PBX4: variants seen among roughly 807,000 people sequenced by gnomAD.
PBX4 encodes pre-B-cell leukemia transcription factor 4.
In PBX4, 26 loss-of-function variants were observed where a neutral mutation model predicts 35.1. That is an observed-to-expected ratio of 0.74 (90% CI 0.54 to 1.03). PBX4 has a LOEUF of 1.03. Among genes scored for constraint, PBX4 ranks in the 50% least tolerant of loss-of-function variants. The pLI is 0.00. For synonymous variants in PBX4, 199 were observed against 204.2 expected, an observed-to-expected ratio of 0.97 and a Z score of 0.22; for missense variants, 448 against 504.3, an observed-to-expected ratio of 0.89 and a Z score of 1.07.
chr19:19,582,352 C>T lies in PBX4; in HGVS notation c.194-11519G>A, dbSNP rs531039855. On this transcript the variant is annotated intron_variant, in intron 2 of 7. Coordinates refer to ENST00000251203, the MANE Select transcript of PBX4 (RefSeq NM_025245.3). ...GCCTGCCACGCCCCACATCTTGTGC[C>T]CAAATAAGCCTGAGACCTTAAGCAG... Among the ~76,000 whole-genome samples, 5 of 152,292 alleles carry T rather than the reference C, an allele frequency of 3.3e-5. No homozygotes were observed. In the South Asian group the frequency reaches 1.0e-3, roughly 32 times the overall value.
intron 2 of PBX4, among the ~76,000 whole-genome samples, chr19:19,591,552 C>T (rs1168714642): frequency 1.3e-5 from 2 of 152,232 alleles, no homozygotes; most frequent in East Asian, 3.8e-4. Context: ...CTTCTTGTTC[C>T]CCAGAGACAC....
intron 1 of PBX4, among the ~76,000 whole-genome samples, chr19:19,609,770 G>GA (rs2061652916): frequency 6.6e-6 from 1 of 152,110 alleles, no homozygotes; most frequent in Non-Finnish European, 1.5e-5. Flanking sequence ...AGAATGGCGT[G>GA]AACCCGGGGG....
intron 2 of PBX4, among the ~76,000 whole-genome samples, chr19:19,573,561 G>A (rs2061400584): frequency 6.6e-6 from 1 of 152,122 alleles, no homozygotes; most frequent in Admixed American, 6.6e-5. Flanking sequence ...TACCCAGGCA[G>A]CGAATGTCCA....
At chr19:19,573,015 G>C (rs1343728763) in intron 2 of PBX4, among the ~76,000 whole-genome samples, 1 of 148,924 alleles carries the variant, frequency 6.7e-6, no homozygotes, top group African/African-American at 2.5e-5. Context: ...CTTAATACAG[G>C]ATAGTGTTGG....
chr19:19,603,311 T>G (rs2061608993), intron 1 of PBX4, among the ~76,000 whole-genome samples: 1 of 152,072 alleles, frequency 6.6e-6, no homozygotes, highest in South Asian at 2.1e-4. Context: ...TTTTTTCTTT[T>G]TTTCTTTTTT....
At chr19:19,572,465 G>A (rs2061390085) in intron 2 of PBX4, among the ~76,000 whole-genome samples, 1 of 152,076 alleles carries the variant, frequency 6.6e-6, no homozygotes. Context: ...ATTTACAAGT[G>A]TCCCTTTCTT....
chr19:19,599,189 G>T, intron 2 of PBX4, 103 bp downstream of exon 2: 1 of 956,458 alleles, frequency 1.0e-6, no homozygotes, highest in Non-Finnish European at 1.6e-6. Flanking sequence ...GGCTGGTCTG[G>T]AATCCAGCCT....
chr19:19,592,192 C>G (rs536768061), intron 2 of PBX4, among the ~76,000 whole-genome samples: 4 of 152,244 alleles, frequency 2.6e-5, no homozygotes, highest in Admixed American at 1.3e-4. Context: ...CAACGTGACA[C>G]ATCTTAAATC....
At chr19:19,570,393 C>T (rs1269471693) in intron 3 of PBX4, 94 bp from the exon 4 acceptor site, 2 of 1,465,566 alleles carry the variant, frequency 1.4e-6, no homozygotes, top group Non-Finnish European at 1.8e-6. Flanking sequence ...CTGCCACCCC[C>T]TGTAGTTCAC....
At chr19:19,593,225 T>C (rs2061539710) in intron 2 of PBX4, among the ~76,000 whole-genome samples, 1 of 152,182 alleles carries the variant, frequency 6.6e-6, no homozygotes, top group Non-Finnish European at 1.5e-5. Context: ...CCACCAGGCT[T>C]TAAATGCTCT....
chr19:19,605,840 ATTTTTTT>A (rs71338333), intron 1 of PBX4, among the ~76,000 whole-genome samples: 3 of 123,094 alleles, frequency 2.4e-5, no homozygotes, highest in Non-Finnish European at 5.1e-5. Flanking sequence ...AGGCTCTAGG[ATTTTTTT>A]TTTTTTTTTT....
At chr19:19,599,197 C>T (rs1434209524) in intron 2 of PBX4, 95 bp downstream of exon 2, 11 of 1,041,090 alleles carry the variant, frequency 1.1e-5, no homozygotes, top group Non-Finnish European at 1.3e-5. Flanking sequence ...TGGAATCCAG[C>T]CTCAGGTGAT....
intron 2 of PBX4, among the ~76,000 whole-genome samples, chr19:19,592,995 GA>G (rs2061538154): frequency 6.6e-6 from 1 of 152,224 alleles, no homozygotes; most frequent in Admixed American, 6.5e-5. Flanking sequence ...TAAAACGGGA[GA>G]AAAGGGTCTG....
At position 19,568,826 on chromosome 19, in the gene PBX4, G is replaced by A. The variant is rs118082414; in HGVS notation, c.768+623C>T. 1.8e-3 allele frequency among the ~76,000 whole-genome samples: 274 copies of A among 152,032 alleles called. 7 individuals are homozygous for A. In the East Asian group the frequency reaches 0.049, roughly 27 times the overall value. On this transcript the variant is annotated intron_variant, in intron 5 of 7. Coordinates refer to ENST00000251203, the MANE Select transcript of PBX4 (RefSeq NM_025245.3). ...TCACACTCTGTCTGTAACCCTCAGGGAGCTCACACTCCGTCTGTGTCCCTC... is the reference window on the plus strand; with the variant it reads ...TCACACTCTGTCTGTAACCCTCAGGAAGCTCACACTCCGTCTGTGTCCCTC...
intron 2 of PBX4, among the ~76,000 whole-genome samples, chr19:19,585,312 G>A (rs768817574): frequency 6.6e-6 from 1 of 151,632 alleles, no homozygotes; most frequent in Non-Finnish European, 1.5e-5. Flanking sequence ...GTGACAGTGT[G>A]AGACTCCATC....
chr19:19,570,333 CT>C (rs773858318), intron 3 of PBX4, 34 bp from the exon 4 acceptor site: 1 of 1,568,730 alleles, frequency 6.4e-7, no homozygotes, highest in South Asian at 1.2e-5. Context: ...CGGCCTGTGA[CT>C]AGGCAGCAGG....
chr19:19,576,485 A>C (rs1486549474), intron 2 of PBX4, among the ~76,000 whole-genome samples: 1 of 152,110 alleles, frequency 6.6e-6, no homozygotes, highest in Admixed American at 6.5e-5. Flanking sequence ...TGACCTCCCA[A>C]AGTGCTGGGA....
chr19:19,561,984 T>C lies in PBX4; in HGVS notation c.*41A>G, dbSNP rs1257826349. The C allele has an allele frequency of 1.3e-6, 2 of 1,543,212 alleles. No individual in the cohort carries two copies. Among genetic ancestry groups the C allele is most frequent in the Non-Finnish European group, 1.8e-6 (2 of 1,125,922 alleles). ...TAACAAAGCAACGGCTGGCGATACATGGCAGCTCACGCAGCGCTCTTTCCT... is the reference window on the plus strand; with the variant it reads ...TAACAAAGCAACGGCTGGCGATACACGGCAGCTCACGCAGCGCTCTTTCCT... On this transcript the variant is annotated 3_prime_UTR_variant, in exon 8 of 8. Coordinates refer to ENST00000251203, the MANE Select transcript of PBX4 (RefSeq NM_025245.3).
intron 2 of PBX4, among the ~76,000 whole-genome samples, chr19:19,587,828 G>A (rs1056735317): frequency 6.6e-6 from 1 of 151,560 alleles, no homozygotes; most frequent in Non-Finnish European, 1.5e-5. Flanking sequence ...TTTGCTTCTC[G>A]AATTCAAGAA....
Sources: allele counts gnomAD v4.1 joint callset (sites outside exome capture counted in the v4.1 genomes callset), GRCh38; gene constraint gnomAD v4.1.1; transcripts MANE v1.5; gene names NCBI Gene and HGNC (gene_info 2026-07-23, HGNC 2026-07-21).